SLC25A12: variants seen among roughly 807,000 people sequenced by gnomAD.
The protein encoded by SLC25A12 is electrogenic aspartate/glutamate antiporter SLC25A12, mitochondrial.
SLC25A12 carries 32 observed loss-of-function variants against 83.3 expected under a neutral mutation model. That is an observed-to-expected ratio of 0.38 (90% CI 0.29 to 0.52). SLC25A12 has a LOEUF of 0.52. SLC25A12 is among the 20% of genes least tolerant of loss of function. The pLI is 0.84. For missense variants in SLC25A12, 611 were observed against 835.6 expected (o/e 0.73, Z 3.31); for synonymous variants, 267 against 291.1 (o/e 0.92, Z 0.84).
chr2:171,859,135 G>T (rs2105908634), intron 3 of SLC25A12, among the ~76,000 whole-genome samples: 1 of 152,206 alleles, frequency 6.6e-6, no homozygotes, highest in African/African-American at 2.4e-5. Flanking sequence ...TAAAGCTATA[G>T]TTGAAAACCA....
chr2:171,844,353 T>C lies in SLC25A12; in HGVS notation c.465+16A>G, dbSNP rs1684747987. 1.2e-6 allele frequency: 2 copies of C among 1,613,328 alleles called. No homozygotes were observed. Among genetic ancestry groups the C allele is most frequent in the African/African-American group, 2.7e-5 (2 of 74,898 alleles). On this transcript the variant is annotated intron_variant, in intron 5 of 17. Coordinates refer to ENST00000422440, the MANE Select transcript of SLC25A12 (RefSeq NM_003705.5). Reference sequence around the variant, plus strand: ...GAATAGTATATATTGATACCTGTTATGAAAACTAAGCTCACCTGGAGAAAC... The same window carrying C: ...GAATAGTATATATTGATACCTGTTACGAAAACTAAGCTCACCTGGAGAAAC...
intron 6 of SLC25A12, among the ~76,000 whole-genome samples, chr2:171,835,241 T>C (rs540239328): frequency 5.3e-5 from 8 of 152,346 alleles, no homozygotes; most frequent in Non-Finnish European, 1.0e-4. Flanking sequence ...GTACAATCTA[T>C]GGAACACTTT....
chr2:171,821,321 C>T (rs1436866571), intron 9 of SLC25A12, among the ~76,000 whole-genome samples: 1 of 152,044 alleles, frequency 6.6e-6, no homozygotes, highest in Non-Finnish European at 1.5e-5. Flanking sequence ...CCGGCCTAAA[C>T]TTTCTTGTAC....
At chr2:171,820,636 G>C (rs1684167945) in intron 9 of SLC25A12, among the ~76,000 whole-genome samples, 1 of 140,538 alleles carries the variant, frequency 7.1e-6, no homozygotes, top group African/African-American at 2.5e-5. Context: ...GCTGAGGCAG[G>C]AGAATGGCGT....
Position 171,893,256 on chromosome 2 carries a change from C to T in SLC25A12, c.15G>A (p.Val5=). 1 of 1,613,872 alleles carries T rather than the reference C, an allele frequency of 6.2e-7. No homozygotes were observed. Among genetic ancestry groups the T allele is most frequent in the Non-Finnish European group, 8.5e-7 (1 of 1,179,864 alleles). MAVK[V]QTTKRGDPHE... is the part of the protein sequence containing the mutation. Reference sequence around the variant, plus strand: ...GAGGATCCCCTCGCTTAGTTGTCTGCACCTGTAAGCAAAAAAGAAAAAAAA... The same window carrying T: ...GAGGATCCCCTCGCTTAGTTGTCTGTACCTGTAAGCAAAAAAGAAAAAAAA... Residue 5 remains valine, a splice_region_variant and synonymous_variant, in exon 2 of 18, where the codon GTG becomes GTA. Transcript: ENST00000422440.
At chr2:171,792,913 G>A (rs1365713168) in intron 14 of SLC25A12, among the ~76,000 whole-genome samples, 1 of 152,182 alleles carries the variant, frequency 6.6e-6, no homozygotes, top group East Asian at 1.9e-4. Flanking sequence ...ATCAGATGCT[G>A]TGGAAACACA....
At chr2:171,833,902 C>T (rs1319545939) in intron 8 of SLC25A12, 61 bp downstream of exon 8, 5 of 1,002,326 alleles carry the variant, frequency 5.0e-6, no homozygotes, top group South Asian at 1.3e-5. Flanking sequence ...AAGGACACCA[C>T]TGCTTCACAT....
rs950002223 is a variant in SLC25A12, at chr2:171,868,879, C to A, written c.67-56G>T. On this transcript the variant is annotated intron_variant, in intron 2 of 17. Coordinates refer to ENST00000422440, the MANE Select transcript of SLC25A12 (RefSeq NM_003705.5). ...AAAATTATCCAATATCATTTTATAT[C>A]CAATAAATGGTTTGTGAAAAGGTAA... is the stretch of plus-strand genomic sequence containing the variant. The A allele has an allele frequency of 7.8e-6, 11 of 1,404,012 alleles. No individual in the cohort carries two copies. In the African/African-American group the frequency reaches 1.4e-4, roughly 18 times the overall value. The allele number at this position is 1,404,012 out of a possible 1,614,324, so 87.0% of individuals were successfully genotyped here. A position where few individuals can be genotyped will look rare whatever the true frequency, so the allele number is the denominator to read the frequency against.
At chr2:171,879,341 G>T (rs1165880828) in intron 2 of SLC25A12, among the ~76,000 whole-genome samples, 1 of 152,110 alleles carries the variant, frequency 6.6e-6, no homozygotes, top group East Asian at 1.9e-4. Flanking sequence ...AACTCAGATT[G>T]CTTCCATGAA....
In SLC25A12 at chr2:171,783,507, G is replaced by A. The variant is rs1051880921; in HGVS notation, c.*1767C>T. Among the ~76,000 whole-genome samples, 1 of 152,064 alleles carries A rather than the reference G, an allele frequency of 6.6e-6. No individual in the cohort carries two copies. The highest frequency in any genetic ancestry group is 2.4e-5 in the African/African-American group (1 of 41,408). The stretch of plus-strand genomic sequence containing the variant: ...AATAACACACACATAACATAATCCT[G>A]TTTCTAAAATATAAATATGTACATA... On this transcript the variant is annotated 3_prime_UTR_variant, in exon 18 of 18. Coordinates refer to ENST00000422440, the MANE Select transcript of SLC25A12 (RefSeq NM_003705.5).
chr2:171,877,076 C>T (rs1323430735), intron 2 of SLC25A12, among the ~76,000 whole-genome samples: 1 of 152,168 alleles, frequency 6.6e-6, no homozygotes, highest in African/African-American at 2.4e-5. Context: ...TTAGCATGTG[C>T]TCAGGAAAGC....
chr2:171,871,826 G>A, intron 2 of SLC25A12: 1 of 809,832 alleles, frequency 1.2e-6, no homozygotes, highest in Non-Finnish European at 1.5e-6. Flanking sequence ...TTGAGAGGTG[G>A]GAGAATCACT....
Position 171,824,500 on chromosome 2 carries a change from T to C in SLC25A12, c.930+2298A>G, listed in dbSNP as rs148049450. On this transcript the variant is annotated intron_variant, in intron 9 of 17. Coordinates refer to ENST00000422440, the MANE Select transcript of SLC25A12 (RefSeq NM_003705.5). ...ATGAAATATTCCCCAATTACAAATA[T>C]TAAGGAAACCTCCAGGGAGAGCTAT... 3.3e-3 allele frequency among the ~76,000 whole-genome samples: 510 copies of C among 152,324 alleles called. 3 individuals are homozygous for C. Among genetic ancestry groups the C allele is most frequent in the African/African-American group, 0.011 (475 of 41,564 alleles).
rs142699226 is a variant in SLC25A12, at chr2:171,858,067, T to C, written c.210-2118A>G. ...TCAGTGACCTTACAAAGCCAGCATA[T>C]ACTAGATCTTTCATAGCAAGCTTGC... On this transcript the variant is annotated intron_variant, in intron 3 of 17. Transcript: ENST00000422440. Among the ~76,000 whole-genome samples the C allele has an allele frequency of 5.3e-3, 802 of 152,168 alleles. 4 individuals carry two copies. Among genetic ancestry groups the C allele is most frequent in the African/African-American group, 0.017 (698 of 41,514 alleles).
At position 171,837,137 on chromosome 2, in the gene SLC25A12, T is replaced by A; in HGVS notation, c.596A>T (p.Glu199Val). Residue 199 changes from glutamate to valine, a missense_variant, in exon 6 of 18, where the codon GAG (glutamate) becomes GTG (valine). Physicochemically the swap from Glu to Val is moderately radical, Grantham distance 121. Around this residue, in one of 3 missense-constraint regions of SLC25A12, gnomAD observed 540 missense variants for 777.5 expected, o/e 0.69. Coordinates refer to ENST00000422440, the MANE Select transcript of SLC25A12 (RefSeq NM_003705.5). ...TTTACTTACTGAAACTAAGTTCTCC[T>A]CCACAAAAGGAGTAAGCATGTGAGA... is the stretch of plus-strand genomic sequence containing the variant. ...IRSHMLTPFV[E>V]ENLVSAAGGS... 1 of 1,614,020 alleles carries A rather than the reference T, an allele frequency of 6.2e-7. No homozygotes were observed. Among genetic ancestry groups the A allele is most frequent in the Non-Finnish European group, 8.5e-7 (1 of 1,179,956 alleles).
chr2:171,885,883 T>C (rs1685807499), intron 2 of SLC25A12, among the ~76,000 whole-genome samples: 1 of 152,244 alleles, frequency 6.6e-6, no homozygotes, highest in Admixed American at 6.5e-5. Context: ...TCTTACTTTT[T>C]AAATTACTCA....
chr2:171,819,251 T>C (rs1443190614), intron 9 of SLC25A12, among the ~76,000 whole-genome samples: 46 of 130,366 alleles, frequency 3.5e-4, no homozygotes, highest in Middle Eastern at 4.5e-3. Flanking sequence ...TATACTAATA[T>C]ATATAATGTA....
At chr2:171,813,300 C>G (rs1683985264) in intron 11 of SLC25A12, 39 bp downstream of exon 11, 1 of 1,611,386 alleles carries the variant, frequency 6.2e-7, no homozygotes, top group African/African-American at 1.3e-5. Flanking sequence ...CTGGTGAGAT[C>G]AAATCACTAA....
chr2:171,786,371 A>G (rs1810338), intron 17 of SLC25A12, among the ~76,000 whole-genome samples: 115,909 of 141,824 alleles, frequency 0.82, 48,550 homozygotes, highest in East Asian at 0.91. Context: ...GCGACAGAGC[A>G]AGACTCCGTC....
Sources: gnomAD v4.1 joint callset for allele counts (sites outside exome capture counted in the v4.1 genomes callset) on GRCh38, gnomAD v4.1.1 for gene constraint, gnomAD v4.1.1 regional missense constraint, MANE v1.5 for transcripts, NCBI Gene and HGNC (gene_info 2026-07-23, HGNC 2026-07-21) for gene names.